DGKD: variants seen among roughly 807,000 people sequenced by gnomAD.
The protein encoded by DGKD is DAG kinase delta.
Under a neutral mutation model 154.4 loss-of-function variants are expected in DGKD, and 68 were observed. The ratio of observed to expected loss-of-function variants is 0.44; its 90% CI spans 0.36 to 0.54. DGKD has a LOEUF of 0.54. DGKD is among the 20% of genes least tolerant of loss of function. The pLI is 0.00. For synonymous variants in DGKD, 693 were observed against 638.0 expected, an observed-to-expected ratio of 1.09 and a Z score of -1.30; for missense variants, 1,343 against 1,593.6, an observed-to-expected ratio of 0.84 and a Z score of 2.68.
chr2:233,399,322 C>T (rs1000915503), intron 3 of DGKD, among the ~76,000 whole-genome samples: 1 of 152,220 alleles, frequency 6.6e-6, no homozygotes, highest in Non-Finnish European at 1.5e-5. Flanking sequence ...TTGGTCACCT[C>T]CAGTTCCAGA....
chr2:233,429,173 A>G (rs1163084326), intron 3 of DGKD: 2 of 985,242 alleles, frequency 2.0e-6, no homozygotes, highest in African/African-American at 1.7e-5. Flanking sequence ...TCTGGAGCAA[A>G]GTTGGCACTT....
intron 28 of DGKD, 33 bp downstream of exon 28, chr2:233,467,236 C>T (rs200992990): frequency 2.8e-5 from 41 of 1,472,190 alleles, no homozygotes; most frequent in South Asian, 9.1e-5. Flanking sequence ...TGTTTCTGGC[C>T]GTCCACGCCT....
At chr2:233,405,537 A>AAAAAAAAAGAAAG (rs2061665433) in intron 3 of DGKD, among the ~76,000 whole-genome samples, 1 of 150,634 alleles carries the variant, frequency 6.6e-6, no homozygotes, top group Non-Finnish European at 1.5e-5. Flanking sequence ...AAAAAGAAAG[A>AAAAAAAAAGAAAG]AAAAAAAAGA....
chr2:233,370,012 A>G (rs754625709), intron 1 of DGKD, among the ~76,000 whole-genome samples: 1 of 152,058 alleles, frequency 6.6e-6, no homozygotes. Context: ...TAACCATTTT[A>G]AAGTGCACAG....
In DGKD at chr2:233,458,851, C is replaced by T. The variant is rs1430891838; in HGVS notation, c.2694+454C>T. ...TCAAATGATCCACCCACCTTGGCCT[C>T]CCAAAGTGTTGGGATTACAGGTGTG... On this transcript the variant is annotated intron_variant, in intron 22 of 29. Coordinates refer to ENST00000264057, the MANE Select transcript of DGKD (RefSeq NM_152879.3). The surrounding 1 kb of genome is among the most constrained non-coding windows in gnomAD (Gnocchi z 6.6). 1.3e-5 allele frequency among the ~76,000 whole-genome samples: 2 copies of T among 152,150 alleles called. No homozygotes were observed. Among genetic ancestry groups the T allele is most frequent in the Non-Finnish European group, 2.9e-5 (2 of 68,034 alleles).
At chr2:233,365,770 TA>T (rs1356026442) in intron 1 of DGKD, among the ~76,000 whole-genome samples, 3 of 152,252 alleles carry the variant, frequency 2.0e-5, no homozygotes, top group African/African-American at 7.2e-5. Context: ...TTGGAAATTT[TA>T]GATGTCTATT....
chr2:233,380,545 A>T (rs1702835438), intron 1 of DGKD, among the ~76,000 whole-genome samples: 1 of 152,116 alleles, frequency 6.6e-6, no homozygotes, highest in Non-Finnish European at 1.5e-5. Context: ...CCCACCCCCA[A>T]CAGAACTGCT....
chr2:233,437,621 G>A (rs2062743841), intron 8 of DGKD, 142 bp downstream of exon 8: 1 of 817,490 alleles, frequency 1.2e-6, no homozygotes, highest in African/African-American at 1.7e-5. Context: ...GGTGCTGGAG[G>A]AGTTGCACAG....
At chr2:233,356,450 G>A (rs1258424235) in intron 1 of DGKD, among the ~76,000 whole-genome samples, 1 of 152,192 alleles carries the variant, frequency 6.6e-6, no homozygotes, top group African/African-American at 2.4e-5. Context: ...ACTGATAGGA[G>A]TTGCTTTCTC....
In DGKD at chr2:233,459,847, C is replaced by G; in HGVS notation, c.2785C>G (p.Arg929Gly). 1.2e-6 allele frequency: 2 copies of G among 1,614,046 alleles called. No individual in the cohort carries two copies. The highest frequency in any genetic ancestry group is 1.1e-5 in the South Asian group (1 of 91,078). The change falls in exon 23 of 30, where the codon CGG becomes GGG. Residue 929 changes from arginine (R) to glycine (G), a missense_variant. Around this residue, in one of 6 missense-constraint regions of DGKD, gnomAD observed 429 missense variants for 496.3 expected, o/e 0.86. Transcript: ENST00000264057. This position sits in a 1 kb window ranked among gnomAD's most constrained non-coding sequence, Gnocchi z 5.7. ...CTGGGTCCAGCCGCCAGGGTACATT[C>G]GGATTGTCCACAAGAACCGGGCACA... ...EAWVQPPGYIRIVHKNRAQTL... is the reference protein window; with the variant it reads ...EAWVQPPGYIGIVHKNRAQTL...
chr2:233,354,724 G>T lies in DGKD; in HGVS notation c.156+50G>T, dbSNP rs1269094346. 4 of 971,868 alleles carry T rather than the reference G, an allele frequency of 4.1e-6. No homozygotes were observed. The highest frequency in any genetic ancestry group is 4.9e-6 in the Non-Finnish European group (4 of 820,694). 60.2% of individuals were successfully genotyped at this position (971,868 alleles called of 1,614,324 possible). A position where few individuals can be genotyped will look rare whatever the true frequency, so the allele number is the denominator to read the frequency against. On this transcript the variant is annotated intron_variant, in intron 1 of 29. Coordinates refer to ENST00000264057, the MANE Select transcript of DGKD (RefSeq NM_152879.3). The surrounding 1 kb of genome is among the most constrained non-coding windows in gnomAD (Gnocchi z 4.8). ...GGCGCGCGCCCCTCACGCCGCGGCA[G>T]CCCCGGCCGAGGCCCGTGGCCCTGC...
chr2:233,446,609 G>A (rs376055393), intron 11 of DGKD, 103 bp from the exon 12 acceptor site: 20 of 1,176,428 alleles, frequency 1.7e-5, no homozygotes, highest in Middle Eastern at 2.1e-4. Flanking sequence ...AGTCAGAAAC[G>A]GTGTAAAGAT....
intron 18 of DGKD, among the ~76,000 whole-genome samples, chr2:233,453,745 T>A (rs1410548752): frequency 1.3e-5 from 2 of 151,974 alleles, no homozygotes; most frequent in African/African-American, 4.8e-5. Context: ...ACCCTGGGGT[T>A]GGGGAGGGTG....
chr2:233,449,321 GA>G lies in DGKD; in HGVS notation c.1834del (p.Arg612GlufsTer5). 6.2e-7 allele frequency: 1 copy of G among 1,611,132 alleles called. No homozygotes were observed. The highest frequency in any genetic ancestry group is 8.5e-7 in the Non-Finnish European group (1 of 1,177,588). On this transcript the variant is annotated frameshift_variant, in exon 15 of 30. Transcript: ENST00000264057. LOFTEE classifies it high-confidence loss of function. This position sits in a 1 kb window ranked among gnomAD's most constrained non-coding sequence, Gnocchi z 5.3. ...TCCGGCCTCGAGAACAGCTCATGCTGAGAGCCAACAGCCTGAAGAAAGCAAT... is the reference window on the plus strand; with the variant it reads ...TCCGGCCTCGAGAACAGCTCATGCTGGAGCCAACAGCCTGAAGAAAGCAAT... ...IFRPREQLML[R>X]ANSLKKAIRQ...
intron 3 of DGKD, 86 bp downstream of exon 3, chr2:233,390,569 A>AC (rs1703533545): frequency 1.0e-6 from 1 of 969,422 alleles, no homozygotes; most frequent in South Asian, 1.5e-5. Flanking sequence ...AGCAGTTCAA[A>AC]CGTTTTCATT....
At chr2:233,387,211 C>G (rs1271747093) in intron 1 of DGKD, among the ~76,000 whole-genome samples, 1 of 152,198 alleles carries the variant, frequency 6.6e-6, no homozygotes, top group Non-Finnish European at 1.5e-5. Context: ...TGTACATGCA[C>G]TGTTTGAAAC....
intron 1 of DGKD, among the ~76,000 whole-genome samples, chr2:233,372,054 C>T (rs1702351137): frequency 6.6e-6 from 1 of 152,058 alleles, no homozygotes; most frequent in Admixed American, 6.6e-5. Context: ...GACAGGATCT[C>T]ACTGTCACCC....
intron 1 of DGKD, among the ~76,000 whole-genome samples, chr2:233,375,257 C>T (rs1224135299): frequency 6.6e-6 from 1 of 151,912 alleles, no homozygotes; most frequent in Non-Finnish European, 1.5e-5. Flanking sequence ...TGCCACCGCG[C>T]TCCAGCCTGG....
Position 233,449,312 on chromosome 2 carries a change from G to A in DGKD, c.1824G>A (p.Gln608=). The part of the protein sequence containing the change: ...ARPQIFRPRE[Q]LMLRANSLKK... ...CGCAGATATTCCGGCCTCGAGAACAGCTCATGCTGAGAGCCAACAGCCTGA... is the reference window on the plus strand; with the variant it reads ...CGCAGATATTCCGGCCTCGAGAACAACTCATGCTGAGAGCCAACAGCCTGA... The change falls in exon 15 of 30, where the codon CAG becomes CAA. Residue 608 remains glutamine, a synonymous_variant. Transcript: ENST00000264057. This position sits in a 1 kb window ranked among gnomAD's most constrained non-coding sequence, Gnocchi z 5.3. The A allele has an allele frequency of 5.6e-6, 9 of 1,611,670 alleles. No homozygotes were observed. Among genetic ancestry groups the A allele is most frequent in the South Asian group, 4.4e-5 (4 of 91,058 alleles).
Sources: gnomAD v4.1 joint callset for allele counts (sites outside exome capture counted in the v4.1 genomes callset) on GRCh38, gnomAD v4.1.1 for gene constraint, gnomAD v4.1.1 regional missense constraint, Gnocchi (gnomAD v3.1) non-coding constraint, MANE v1.5 for transcripts, NCBI Gene and HGNC (gene_info 2026-07-23, HGNC 2026-07-21) for gene names.